FBXO31: variants seen among roughly 807,000 people sequenced by gnomAD.
The protein encoded by FBXO31 is F-box only protein 31.
In FBXO31, 24 loss-of-function variants were observed where a neutral mutation model predicts 54.4. That is an observed-to-expected ratio of 0.44 (90% CI 0.32 to 0.62). The LOEUF (loss-of-function observed/expected upper bound fraction) is 0.62. Among genes scored for constraint, FBXO31 ranks in the 20% least tolerant of loss-of-function variants. The probability of loss-of-function intolerance (pLI) is 0.05; values close to 1 mark genes in which losing one functional copy is unlikely to be tolerated. For synonymous variants in FBXO31, 388 were observed against 335.6 expected, an observed-to-expected ratio of 1.16 and a Z score of -1.71; for missense variants, 665 against 787.1, an observed-to-expected ratio of 0.84 and a Z score of 1.86.
chr16:87,367,639 ATGCCACCAG>A (rs1260220358), intron 1 of FBXO31: 1 of 152,254 alleles, frequency 6.6e-6, no homozygotes, highest in Non-Finnish European at 1.5e-5. Context: ...CAGGTTCCAG[ATGCCACCAG>A]TGCACATGAC....
upstream of FBXO31, among the ~76,000 whole-genome samples, chr16:87,384,969 G>GT (rs1314143496): frequency 6.6e-6 from 1 of 151,036 alleles, no homozygotes; most frequent in Non-Finnish European, 1.5e-5. Flanking sequence ...GAGGTCAGGA[G>GT]TTTGAGACCC....
intron 8 of FBXO31, among the ~76,000 whole-genome samples, chr16:87,332,894 C>G (rs1404596333): frequency 6.6e-6 from 1 of 152,194 alleles, no homozygotes; most frequent in East Asian, 1.9e-4. Flanking sequence ...TGCCAGGAGA[C>G]TGACAGGCGG....
chr16:87,390,888 C>T (rs190425835), upstream of FBXO31, among the ~76,000 whole-genome samples: 1 of 152,096 alleles, frequency 6.6e-6, no homozygotes, highest in South Asian at 2.1e-4. Flanking sequence ...TTGGAGCCAC[C>T]GCCCCCCGCT....
intron 1 of FBXO31, among the ~76,000 whole-genome samples, chr16:87,382,795 G>C (rs1907140142): frequency 6.6e-6 from 1 of 152,132 alleles, no homozygotes; most frequent in Non-Finnish European, 1.5e-5. Flanking sequence ...ACCACGCCCG[G>C]CTAATTTTTG....
intron 1 of FBXO31, among the ~76,000 whole-genome samples, chr16:87,379,328 G>C (rs892926804): frequency 2.0e-5 from 3 of 152,150 alleles, no homozygotes; most frequent in Non-Finnish European, 4.4e-5. Flanking sequence ...AGAGCTGGGG[G>C]GAGAATAGCT....
chr16:87,340,383 T>TA, intron 5 of FBXO31, among the ~76,000 whole-genome samples: 2 of 152,324 alleles, frequency 1.3e-5, no homozygotes, highest in Middle Eastern at 6.8e-3. Context: ...GAACCAAGTA[T>TA]ACAGGGTAAC....
chr16:87,383,514 C>G lies in FBXO31; in HGVS notation c.231G>C (p.Glu77Asp). 1 of 1,585,558 alleles carries G rather than the reference C, an allele frequency of 6.3e-7. No individual in the cohort carries two copies. The highest frequency in any genetic ancestry group is 8.5e-7 in the Non-Finnish European group (1 of 1,169,978). The change falls in exon 1 of 9, where the codon GAG becomes GAC. Residue 77 changes from glutamate to aspartate, a missense_variant. Glu to Asp is a conservative substitution (Grantham distance 45). This residue lies in a region of FBXO31 where 195 missense variants were observed against 174.8 expected (regional missense o/e 1.12). Transcript: ENST00000311635. The surrounding 1 kb of genome is among the most constrained non-coding windows in gnomAD (Gnocchi z 4.9). ...CCGTGCCCGGCAGCGACGCGAAGATCTCCACCAGCAGCTCGGGCGGCAGCT... is the reference window on the plus strand; with the variant it reads ...CCGTGCCCGGCAGCGACGCGAAGATGTCCACCAGCAGCTCGGGCGGCAGCT... ...LLELPPELLV[E>D]IFASLPGTDL...
chr16:87,380,891 G>A (rs1270588689), intron 1 of FBXO31, among the ~76,000 whole-genome samples: 2 of 152,164 alleles, frequency 1.3e-5, no homozygotes, highest in South Asian at 2.1e-4. Flanking sequence ...TTGTAATTCC[G>A]GTTGTTCTAT....
At chr16:87,359,685 G>A (rs534458605) in intron 2 of FBXO31, among the ~76,000 whole-genome samples, 14 of 152,242 alleles carry the variant, frequency 9.2e-5, no homozygotes, top group Non-Finnish European at 1.9e-4. Context: ...AAAGCCAAGA[G>A]CTTCGTCCAG....
intron 5 of FBXO31, among the ~76,000 whole-genome samples, chr16:87,341,995 T>C (rs1464095672): frequency 6.6e-6 from 1 of 151,936 alleles, no homozygotes; most frequent in Non-Finnish European, 1.5e-5. Context: ...GAAGACGGCT[T>C]GAGCCCAGGA....
rs1247701667 is a variant in FBXO31 at position 87,338,296 on chromosome 16, C to G, written c.733-2032G>C. 1.3e-5 allele frequency among the ~76,000 whole-genome samples: 2 copies of G among 152,002 alleles called. No individual in the cohort carries two copies. Among genetic ancestry groups the G allele is most frequent in the African/African-American group, 4.8e-5 (2 of 41,368 alleles). ...GACAACGATCAACTTCACGTTGACC[C>G]AGGGCCTGCTCACTCAACACATTGT... On this transcript the variant is annotated intron_variant, in intron 5 of 8. Transcript: ENST00000311635. The surrounding 1 kb of genome is among the most constrained non-coding windows in gnomAD (Gnocchi z 4.3).
intron 2 of FBXO31, among the ~76,000 whole-genome samples, chr16:87,357,230 A>T (rs1421826851): frequency 1.3e-5 from 2 of 151,810 alleles, no homozygotes; most frequent in African/African-American, 4.8e-5. Context: ...GGGCAACAAG[A>T]CAGACCCTGT....
rs115791769 is a variant in FBXO31 at position 87,372,466 on chromosome 16, G to A, written c.340+10939C>T. ...CTGGCTCAGTCATGGTGTTGCTACT[G>A]CCTGGACAGTGCGTTTATCCAGCTG... is the stretch of plus-strand genomic sequence containing the variant. On this transcript the variant is annotated intron_variant, in intron 1 of 8. Coordinates refer to ENST00000311635, the MANE Select transcript of FBXO31 (RefSeq NM_024735.5). Among the ~76,000 whole-genome samples the A allele has an allele frequency of 4.5e-3, 690 of 152,312 alleles. 2 individuals are homozygous for A. Among genetic ancestry groups the A allele is most frequent in the African/African-American group, 0.015 (640 of 41,562 alleles).
chr16:87,391,638 AG>A (rs1203428208), upstream of FBXO31: 2 of 152,522 alleles, frequency 1.3e-5, no homozygotes, highest in East Asian at 3.9e-4. Flanking sequence ...GGGGACTGGG[AG>A]AGGGGACTGC....
In FBXO31 at chr16:87,330,910, C is replaced by T. The variant is rs1675822072; in HGVS notation, c.*378G>A. 1 of 259,630 alleles carries T rather than the reference C, an allele frequency of 3.9e-6. No homozygotes were observed. The highest frequency in any genetic ancestry group is 5.0e-5 in the Admixed American group (1 of 20,038). The allele number at this position is 259,630 out of a possible 1,614,324, so 16.1% of individuals were successfully genotyped here. On this transcript the variant is annotated 3_prime_UTR_variant, in exon 9 of 9. Transcript: ENST00000311635. ...CTCACACACGACCCAGTCTATCACT[C>T]TATCCGCTCACAGGAAGAGCACCAG...
chr16:87,382,607 T>C (rs560628943), intron 1 of FBXO31, among the ~76,000 whole-genome samples: 50 of 152,250 alleles, frequency 3.3e-4, no homozygotes, highest in South Asian at 6.2e-4. Context: ...CCCCCGACAC[T>C]GGGCTTCCCC....
Position 87,345,112 on chromosome 16 carries a change from A to C in FBXO31, c.490-1347T>G, listed in dbSNP as rs1905328061. Among the ~76,000 whole-genome samples the C allele has an allele frequency of 6.6e-6, 1 of 152,198 alleles. No homozygotes were observed. The highest frequency in any genetic ancestry group is 1.5e-5 in the Non-Finnish European group (1 of 68,036). On this transcript the variant is annotated intron_variant, in intron 3 of 8. Coordinates refer to ENST00000311635, the MANE Select transcript of FBXO31 (RefSeq NM_024735.5). The surrounding 1 kb of genome is among the most constrained non-coding windows in gnomAD (Gnocchi z 4.9). The stretch of plus-strand genomic sequence containing the variant: ...GCCTGGAAGAACCTGTGCAGAGGCC[A>C]CGGGGAGACAGACACACCCGCCCTC...
At chr16:87,355,752 C>G (rs1476119885) in intron 2 of FBXO31, among the ~76,000 whole-genome samples, 1 of 152,156 alleles carries the variant, frequency 6.6e-6, no homozygotes, top group Non-Finnish European at 1.5e-5. Context: ...GCCAGCCCGG[C>G]AGCGTGGGGA....
upstream of FBXO31, among the ~76,000 whole-genome samples, chr16:87,387,603 C>T (rs974931461): frequency 5.3e-5 from 8 of 152,226 alleles, no homozygotes; most frequent in Admixed American, 2.6e-4. Flanking sequence ...GAGGTCAGAT[C>T]GAGACCATCC....
Sources: gnomAD v4.1 joint callset for allele counts (sites outside exome capture counted in the v4.1 genomes callset) on GRCh38, gnomAD v4.1.1 for gene constraint, gnomAD v4.1.1 regional missense constraint, Gnocchi (gnomAD v3.1) non-coding constraint, MANE v1.5 for transcripts, NCBI Gene and HGNC (gene_info 2026-07-23, HGNC 2026-07-21) for gene names.